Variants in VTI1A observed in about 807,000 individuals in gnomAD.
VTI1A encodes the protein vesicle transport through interaction with t-SNAREs homolog 1A.
Under a neutral mutation model 34.9 loss-of-function variants are expected in VTI1A, and 22 were observed. The observed-to-expected ratio is 0.63, with a 90% CI of 0.45 to 0.90. VTI1A has a LOEUF of 0.90. Among genes scored for constraint, VTI1A ranks in the 40% least tolerant of loss-of-function variants. The pLI, the probability that VTI1A is intolerant of heterozygous loss-of-function variation, is 0.00. For missense variants in VTI1A, 268 were observed against 275.6 expected, an observed-to-expected ratio of 0.97 and a Z score of 0.20; for synonymous variants, 87 against 97.3, an observed-to-expected ratio of 0.89 and a Z score of 0.62.
chr10:112,512,778 C>G (rs1466422323), intron 3 of VTI1A, among the ~76,000 whole-genome samples: 4 of 152,112 alleles, frequency 2.6e-5, no homozygotes, highest in Non-Finnish European at 5.9e-5. Context: ...CTGATGTTCC[C>G]AGCACCATTT....
At chr10:112,778,891 A>G (rs1852027484) in intron 7 of VTI1A, among the ~76,000 whole-genome samples, 1 of 152,208 alleles carries the variant, frequency 6.6e-6, no homozygotes, top group African/African-American at 2.4e-5. Flanking sequence ...AAGATGACCT[A>G]AGAGTTGATA....
At chr10:112,660,960 G>T (rs991957581) in intron 5 of VTI1A, among the ~76,000 whole-genome samples, 4 of 152,186 alleles carry the variant, frequency 2.6e-5, no homozygotes, top group East Asian at 1.9e-4. Flanking sequence ...AAGAGAAAAA[G>T]AAATGTTTTT....
chr10:112,817,526 A>G lies in VTI1A; in HGVS notation c.*2143A>G, dbSNP rs1853559760. The stretch of plus-strand genomic sequence containing the variant: ...TTGGGAGTGGGAAGAATATGAACAG[A>G]TAACCCTTGGCCTAACAGCTCCATC... On this transcript the variant is annotated 3_prime_UTR_variant, in exon 8 of 8. Coordinates refer to ENST00000393077, the MANE Select transcript of VTI1A (RefSeq NM_145206.4). 4.4e-6 allele frequency: 1 copy of G among 229,642 alleles called. No homozygotes were observed. Among genetic ancestry groups the G allele is most frequent in the Non-Finnish European group, 8.6e-6 (1 of 115,890 alleles). The allele number at this position is 229,642 out of a possible 1,614,324, so 14.2% of individuals were successfully genotyped here.
At chr10:112,692,570 T>C (rs1315036483) in intron 7 of VTI1A, among the ~76,000 whole-genome samples, 1 of 152,220 alleles carries the variant, frequency 6.6e-6, no homozygotes, top group African/African-American at 2.4e-5. Flanking sequence ...CTGTTTTTAT[T>C]GTGGGGAGGT....
intron 5 of VTI1A, among the ~76,000 whole-genome samples, chr10:112,570,846 A>G (rs974576813): frequency 6.6e-6 from 1 of 152,256 alleles, no homozygotes; most frequent in African/African-American, 2.4e-5. Context: ...TTAACAAATA[A>G]CTAGACTAAT....
At chr10:112,625,143 A>G (rs1246753112) in intron 5 of VTI1A, among the ~76,000 whole-genome samples, 2 of 152,212 alleles carry the variant, frequency 1.3e-5, no homozygotes, top group African/African-American at 4.8e-5. Flanking sequence ...CGCTGAATAC[A>G]TATGTTTAAC....
intron 5 of VTI1A, among the ~76,000 whole-genome samples, chr10:112,553,533 G>A (rs935522407): frequency 1.3e-5 from 2 of 152,180 alleles, no homozygotes; most frequent in African/African-American, 4.8e-5. Context: ...ATTCAGTGAC[G>A]TTTATTTCTC....
intron 5 of VTI1A, among the ~76,000 whole-genome samples, chr10:112,645,488 C>T (rs1287369513): frequency 1.3e-5 from 2 of 152,188 alleles, no homozygotes; most frequent in Non-Finnish European, 2.9e-5. Context: ...TATAAAGGAG[C>T]CATGCCCCAG....
chr10:112,820,052 G>A (rs568530403), downstream of VTI1A, among the ~76,000 whole-genome samples: 88 of 152,298 alleles, frequency 5.8e-4, no homozygotes, highest in African/African-American at 2.1e-3. Flanking sequence ...CAGGAGCCAC[G>A]GCGTGGGAGG....
At chr10:112,680,324 G>A (rs945185481) in intron 7 of VTI1A, among the ~76,000 whole-genome samples, 4 of 152,016 alleles carry the variant, frequency 2.6e-5, no homozygotes, top group Non-Finnish European at 2.9e-5. Flanking sequence ...GTTATTCTTC[G>A]TAAGAACTCT....
At chr10:112,812,699 T>A (rs547433105) in intron 7 of VTI1A, among the ~76,000 whole-genome samples, 117 of 152,218 alleles carry the variant, frequency 7.7e-4, no homozygotes, top group African/African-American at 2.7e-3. Flanking sequence ...TCCAACTCTT[T>A]CCCCATCCCC....
intron 5 of VTI1A, among the ~76,000 whole-genome samples, chr10:112,622,420 G>A (rs542059342): frequency 6.8e-6 from 1 of 147,206 alleles, no homozygotes; most frequent in African/African-American, 2.5e-5. Context: ...CTATTTTTAT[G>A]TATAAAATTT....
intron 3 of VTI1A, among the ~76,000 whole-genome samples, chr10:112,477,895 C>G (rs529943434): frequency 2.0e-5 from 3 of 152,070 alleles, no homozygotes; most frequent in Non-Finnish European, 4.4e-5. Flanking sequence ...AAAAATTCAT[C>G]TGAAGTAAGG....
rs899301987 is a variant in VTI1A, at chr10:112,818,453, CT to C, written c.*3079del. On this transcript the variant is annotated 3_prime_UTR_variant, in exon 8 of 8. Transcript: ENST00000393077. ...CTGTCTTTCTCTCCCTCTCTTTCTC[CT>C]TTTTTTTTGCACATCTTTTCTTTAA... 82 of 227,282 alleles carry C rather than the reference CT, an allele frequency of 3.6e-4. No homozygotes were observed. The highest frequency in any genetic ancestry group is 1.3e-3 in the Middle Eastern group (1 of 778). 14.1% of individuals were successfully genotyped at this position (227,282 alleles called of 1,614,324 possible).
the VTI1A span, among the ~76,000 whole-genome samples, chr10:112,837,484 C>T: frequency 6.6e-6 from 1 of 152,214 alleles, no homozygotes. Flanking sequence ...CCCTCCCCCA[C>T]AGCTCAATCA....
chr10:112,769,816 A>AC (rs1851750752), intron 7 of VTI1A, among the ~76,000 whole-genome samples: 1 of 152,148 alleles, frequency 6.6e-6, no homozygotes, highest in Non-Finnish European at 1.5e-5. Flanking sequence ...CTGGGAAATA[A>AC]CCCAGGTCAG....
At chr10:112,768,133 C>T (rs1564918118) in intron 7 of VTI1A, among the ~76,000 whole-genome samples, 1 of 152,190 alleles carries the variant, frequency 6.6e-6, no homozygotes, top group Non-Finnish European at 1.5e-5. Context: ...CAGCTCCCTG[C>T]AGATATTGGA....
intron 7 of VTI1A, among the ~76,000 whole-genome samples, chr10:112,764,997 C>T (rs1851598225): frequency 6.6e-6 from 1 of 152,186 alleles, no homozygotes; most frequent in Non-Finnish European, 1.5e-5. Context: ...AGAAAAGCTA[C>T]TCAAACCCAC....
At chr10:112,498,615 A>T (rs1463565380) in intron 3 of VTI1A, among the ~76,000 whole-genome samples, 17 of 152,218 alleles carry the variant, frequency 1.1e-4, no homozygotes, top group Admixed American at 1.0e-3. Context: ...TTTAAACTAG[A>T]CAGAAAAGAA....
Sources: allele counts gnomAD v4.1 joint callset (sites outside exome capture counted in the v4.1 genomes callset), GRCh38; gene constraint gnomAD v4.1.1; transcripts MANE v1.5; gene names NCBI Gene and HGNC (gene_info 2026-07-23, HGNC 2026-07-21).